Variants in JADE1 observed in about 807,000 individuals in gnomAD.
JADE1 encodes protein Jade-1.
Under a neutral mutation model 81.8 loss-of-function variants are expected in JADE1, and 14 were observed. The observed-to-expected ratio is 0.17, with a 90% confidence interval of 0.11 to 0.27. The LOEUF (loss-of-function observed/expected upper bound fraction) is 0.27, where lower values mean the gene tolerates loss of function less well. JADE1 is among the 10% of genes least tolerant of loss of function. The pLI, the probability that JADE1 is intolerant of heterozygous loss-of-function variation, is 1.00. For missense variants in JADE1, 690 were observed against 1,047.9 expected (o/e 0.66, Z 4.71); for synonymous variants, 353 against 391.9 (o/e 0.90, Z 1.17).
chr4:128,862,911 T>TGTGTGTGC, intron 9 of JADE1: 9 of 984,658 alleles, frequency 9.1e-6, no homozygotes, highest in Non-Finnish European at 1.1e-5. Flanking sequence ...TGTGTGTGTG[T>TGTGTGTGC]GTGCGCGTGC....
At chr4:128,851,774 C>A (rs1730378549) in intron 5 of JADE1, among the ~76,000 whole-genome samples, 1 of 152,126 alleles carries the variant, frequency 6.6e-6, no homozygotes, top group African/African-American at 2.4e-5. Context: ...AGCAGTTCTC[C>A]CACCGCAGGC....
intron 1 of JADE1, among the ~76,000 whole-genome samples, chr4:128,822,784 GTC>G (rs1266348227): frequency 6.6e-6 from 1 of 152,166 alleles, no homozygotes; most frequent in Non-Finnish European, 1.5e-5. Context: ...TCCCAACTCA[GTC>G]TGTCTTGGAA....
chr4:128,844,159 T>A (rs1185594118), intron 3 of JADE1, among the ~76,000 whole-genome samples: 2 of 152,184 alleles, frequency 1.3e-5, no homozygotes, highest in African/African-American at 4.8e-5. Context: ...ACCTTTCTGA[T>A]GTTCACACTA....
rs112639677 is a variant in JADE1, at chr4:128,842,923, T to C, written c.53-30T>C. The C allele has an allele frequency of 9.5e-4, 1,509 of 1,595,398 alleles. 4 individuals carry two copies. The highest frequency in any genetic ancestry group is 7.6e-3 in the Middle Eastern group (46 of 6,030). On this transcript the variant is annotated intron_variant, in intron 2 of 10. Transcript: ENST00000226319. ...ACTCAGTGACCCCTGCAATTTCTAA[T>C]GGTTCTTATTTGGATATTTGTTTCT... is the stretch of plus-strand genomic sequence containing the variant.
chr4:128,868,317 A>G (rs1731933643), intron 10 of JADE1, among the ~76,000 whole-genome samples: 1 of 152,252 alleles, frequency 6.6e-6, no homozygotes, highest in Non-Finnish European at 1.5e-5. Flanking sequence ...TATATTACAC[A>G]GTACTTGGTA....
intron 6 of JADE1, among the ~76,000 whole-genome samples, chr4:128,853,462 G>A (rs1730536715): frequency 6.6e-6 from 1 of 152,126 alleles, no homozygotes; most frequent in African/African-American, 2.4e-5. Flanking sequence ...AGTAGGTTTT[G>A]GTGATTGCTT....
chr4:128,845,792 G>A (rs1415255979), intron 3 of JADE1, among the ~76,000 whole-genome samples: 2 of 152,008 alleles, frequency 1.3e-5, no homozygotes, highest in Admixed American at 1.3e-4. Flanking sequence ...GCGTGGTGGC[G>A]TGCACCTGTA....
Position 128,849,109 on chromosome 4 carries a change from C to T in JADE1, c.426C>T (p.Asp142=), listed in dbSNP as rs142865696. The change falls in exon 5 of 11, where the codon GAC becomes GAT. Residue 142 remains aspartate, a synonymous_variant. Transcript: ENST00000226319. ...RTLADSVCRY[D]LNDMDAAWLE... The stretch of plus-strand genomic sequence containing the variant: ...TGGCTGACAGCGTGTGTCGCTATGA[C>T]CTCAATGACATGGATGCTGCATGGC... 117 of 1,613,928 alleles carry T rather than the reference C, an allele frequency of 7.2e-5. No individual in the cohort carries two copies. Among genetic ancestry groups the T allele is most frequent in the Non-Finnish European group, 9.5e-5 (112 of 1,180,038 alleles).
chr4:128,826,865 G>GGT (rs1341218559), intron 1 of JADE1, among the ~76,000 whole-genome samples: 1 of 152,102 alleles, frequency 6.6e-6, no homozygotes, highest in Non-Finnish European at 1.5e-5. Flanking sequence ...ACGCTCCTCC[G>GGT]GTCCTCCGCG....
Position 128,871,059 on chromosome 4 carries a change from G to A in JADE1, c.1622-296G>A, listed in dbSNP as rs368238687. ...ACCTGATGAGTTCTGCATGGAGTCC[G>A]CTCTGAAAATCAGATCAGTTATTTT... On this transcript the variant is annotated intron_variant, in intron 10 of 10. Transcript: ENST00000226319. This position sits in a 1 kb window ranked among gnomAD's most constrained non-coding sequence, Gnocchi z 4.1. Among the ~76,000 whole-genome samples, 6 of 152,288 alleles carry A rather than the reference G, an allele frequency of 3.9e-5. No homozygotes were observed. Among genetic ancestry groups the A allele is most frequent in the South Asian group, 2.1e-4 (1 of 4,826 alleles).
intron 5 of JADE1, among the ~76,000 whole-genome samples, chr4:128,850,713 A>G (rs182055467): frequency 6.2e-4 from 94 of 152,348 alleles, no homozygotes; most frequent in African/African-American, 2.2e-3. Flanking sequence ...CACATTATAA[A>G]GACCAGTGTA....
Position 128,861,691 on chromosome 4 carries a change from G to A in JADE1, c.982-13G>A, listed in dbSNP as rs778860809. 8 of 1,612,316 alleles carry A rather than the reference G, an allele frequency of 5.0e-6. No individual in the cohort carries two copies. The highest frequency in any genetic ancestry group is 1.7e-4 in the Middle Eastern group (1 of 6,030). On this transcript the variant is annotated splice_polypyrimidine_tract_variant and intron_variant, in intron 8 of 10. Transcript: ENST00000226319. Reference sequence around the variant, plus strand: ...AATGGTCTATTCTCATGTTCTTTGTGTGTTCTTGACAGTGCTCTGTGAAGA... The same window carrying A: ...AATGGTCTATTCTCATGTTCTTTGTATGTTCTTGACAGTGCTCTGTGAAGA...
At chr4:128,857,034 T>C (rs1239520769) in intron 7 of JADE1, among the ~76,000 whole-genome samples, 1 of 152,236 alleles carries the variant, frequency 6.6e-6, no homozygotes, top group Non-Finnish European at 1.5e-5. Context: ...AGCTAGAGAT[T>C]ATAGACGGCA....
At chr4:128,842,001 T>C (rs1488344112) in intron 2 of JADE1, among the ~76,000 whole-genome samples, 1 of 152,160 alleles carries the variant, frequency 6.6e-6, no homozygotes, top group African/African-American at 2.4e-5. Flanking sequence ...GGCCAGATGA[T>C]AGGAGTAGAC....
rs1028491119 is a variant in JADE1, at chr4:128,824,916, G to T, written c.-26-6817G>T. 2.6e-5 allele frequency among the ~76,000 whole-genome samples: 4 copies of T among 152,236 alleles called. No homozygotes were observed. In the East Asian group the frequency reaches 7.7e-4, roughly 29 times the overall value. On this transcript the variant is annotated intron_variant, in intron 1 of 10. Transcript: ENST00000226319. ...ATAGAGTTTATGGCCTGATAAATGGGCCCTGTTCCACCACAGAGAGTAAGT... is the reference window on the plus strand; with the variant it reads ...ATAGAGTTTATGGCCTGATAAATGGTCCCTGTTCCACCACAGAGAGTAAGT...
intron 9 of JADE1, chr4:128,864,459 C>T (rs1162762783): frequency 3.0e-6 from 3 of 985,114 alleles, no homozygotes; most frequent in African/African-American, 1.7e-5. Flanking sequence ...TTAAAATGGG[C>T]TTATTGTAAT....
At chr4:128,842,517 C>G (rs1411526318) in intron 2 of JADE1, among the ~76,000 whole-genome samples, 1 of 152,184 alleles carries the variant, frequency 6.6e-6, no homozygotes, top group African/African-American at 2.4e-5. Context: ...CCAGGCAGGT[C>G]TTGAATTCCT....
intron 1 of JADE1, among the ~76,000 whole-genome samples, chr4:128,818,355 A>G (rs1369090446): frequency 6.6e-6 from 1 of 152,134 alleles, no homozygotes; most frequent in African/African-American, 2.4e-5. Flanking sequence ...TCTTGACCTC[A>G]GGTGATGCAC....
intron 1 of JADE1, among the ~76,000 whole-genome samples, chr4:128,820,089 G>C (rs1203445800): frequency 6.7e-6 from 1 of 150,360 alleles, no homozygotes; most frequent in Non-Finnish European, 1.5e-5. Flanking sequence ...AGTTAATTAT[G>C]ATTTTATGGG....
Sources: allele counts gnomAD v4.1 joint callset (sites outside exome capture counted in the v4.1 genomes callset), GRCh38; gene constraint gnomAD v4.1.1; non-coding constraint Gnocchi (gnomAD v3.1); transcripts MANE v1.5; gene names NCBI Gene and HGNC (gene_info 2026-07-23, HGNC 2026-07-21).